The following JAK2 variants were observed in gnomAD, a reference collection of about 807,000 sequenced individuals.
JAK2 encodes the protein Janus kinase 2, also known as tyrosine-protein kinase JAK2.
A neutral mutation model predicts 139.3 loss-of-function variants in JAK2; 86 were observed. The observed-to-expected ratio is 0.62, with a 90% CI of 0.52 to 0.74. JAK2 has a LOEUF of 0.74. JAK2 is among the 30% of genes least tolerant of loss of function. JAK2 has a pLI of 0.00. For synonymous variants in JAK2, 490 were observed against 437.7 expected (o/e 1.12, Z -1.49); for missense variants, 1,421 against 1,360.3 (o/e 1.04, Z -0.70).
chr9:5,115,786 T>C (rs555031772), intron 22 of JAK2, among the ~76,000 whole-genome samples: 5 of 152,280 alleles, frequency 3.3e-5, no homozygotes, highest in African/African-American at 1.2e-4. Context: ...CTAGAAACCA[T>C]AATTCTCAGC....
intron 6 of JAK2, among the ~76,000 whole-genome samples, chr9:5,052,663 G>A (rs1350812645): frequency 6.6e-6 from 1 of 151,968 alleles, no homozygotes; most frequent in Non-Finnish European, 1.5e-5. Context: ...CTTTCCCCCA[G>A]CCTCTGGAAA....
At chr9:5,051,762 C>T (rs1360332946) in intron 6 of JAK2, among the ~76,000 whole-genome samples, 1 of 152,062 alleles carries the variant, frequency 6.6e-6, no homozygotes, top group Non-Finnish European at 1.5e-5. Context: ...ATTGTTCTCC[C>T]AATAACTGGC....
At position 5,065,147 on chromosome 9, in the gene JAK2, A is replaced by C. The variant is rs888844444; in HGVS notation, c.1214+107A>C. On this transcript the variant is annotated intron_variant, in intron 9 of 24. Coordinates refer to ENST00000381652, the MANE Select transcript of JAK2 (RefSeq NM_004972.4). The stretch of plus-strand genomic sequence containing the variant: ...TATGTTTAGAAAAAAATAATTTGAC[A>C]AGTTTTTTTTAAACAAAAGGCTATT... 1.0e-5 allele frequency: 7 copies of C among 669,042 alleles called. No homozygotes were observed. In the African/African-American group the frequency reaches 1.3e-4, roughly 13 times the overall value. The allele number at this position is 669,042 out of a possible 1,614,324, so 41.4% of individuals were successfully genotyped here.
chr9:5,092,732 G>A (rs78903787), intron 22 of JAK2, among the ~76,000 whole-genome samples: 5,205 of 152,250 alleles, frequency 0.034, 249 homozygotes, highest in African/African-American at 0.11. Context: ...CTGAAAGAGC[G>A]TACTCACCTA....
intron 2 of JAK2, among the ~76,000 whole-genome samples, chr9:5,014,206 G>A (rs924354311): frequency 1.9e-5 from 2 of 107,414 alleles, no homozygotes; most frequent in South Asian, 3.1e-4. Flanking sequence ...TTCTCACTAT[G>A]TTGCCCAGGC....
rs1230222800 is a variant in JAK2, at chr9:5,086,433, T to G, written c.2572-3241T>G. Reference sequence around the variant, plus strand: ...GGATCTTAGTGCGACTACTTTGAAATTATCAGCATCATTCTCAATCTTCTC... The same window carrying G: ...GGATCTTAGTGCGACTACTTTGAAAGTATCAGCATCATTCTCAATCTTCTC... On this transcript the variant is annotated intron_variant, in intron 19 of 24. Transcript: ENST00000381652. Among the ~76,000 whole-genome samples the G allele has an allele frequency of 2.0e-5, 3 of 152,388 alleles. No homozygotes were observed. In the East Asian group the frequency reaches 5.8e-4, roughly 29 times the overall value.
chr9:4,989,386 C>T (rs1342446579), intron 2 of JAK2, among the ~76,000 whole-genome samples: 1 of 151,808 alleles, frequency 6.6e-6, no homozygotes, highest in Non-Finnish European at 1.5e-5. Context: ...ATAGTTATTT[C>T]CCTAGTGTTA....
chr9:4,998,054 ACTT>A (rs1396728534), intron 2 of JAK2, among the ~76,000 whole-genome samples: 1 of 152,180 alleles, frequency 6.6e-6, no homozygotes, highest in Non-Finnish European at 1.5e-5. Context: ...GATTTAAACA[ACTT>A]CTAGATTTTT....
At chr9:4,992,940 T>G (rs1820342902) in intron 2 of JAK2, among the ~76,000 whole-genome samples, 1 of 152,194 alleles carries the variant, frequency 6.6e-6, no homozygotes, top group Non-Finnish European at 1.5e-5. Flanking sequence ...TGGGTTTACC[T>G]TCTGAATTAT....
chr9:5,075,629 A>C (rs1036961745), intron 14 of JAK2, among the ~76,000 whole-genome samples: 2 of 152,204 alleles, frequency 1.3e-5, no homozygotes, highest in Admixed American at 1.3e-4. Flanking sequence ...GATTGCTTTC[A>C]AAGTATTACT....
At chr9:5,113,075 C>A (rs1281015755) in intron 22 of JAK2, among the ~76,000 whole-genome samples, 1 of 152,058 alleles carries the variant, frequency 6.6e-6, no homozygotes, top group Non-Finnish European at 1.5e-5. Flanking sequence ...GACCCCGGCT[C>A]ACCCCTCACT....
intron 22 of JAK2, chr9:5,114,609 G>A (rs1331404638): frequency 2.0e-5 from 10 of 488,514 alleles, no homozygotes; most frequent in Non-Finnish European, 2.8e-5. Flanking sequence ...GCTGTACAAC[G>A]AGGTGCAGCT....
chr9:5,012,671 C>G (rs1821778789), intron 2 of JAK2, among the ~76,000 whole-genome samples: 1 of 152,150 alleles, frequency 6.6e-6, no homozygotes, highest in South Asian at 2.1e-4. Flanking sequence ...ATTTGTATCT[C>G]AGGATTTTTC....
Position 5,124,523 on chromosome 9 carries a change from C to T in JAK2, c.3177+1402C>T, listed in dbSNP as rs561699484. On this transcript the variant is annotated intron_variant, in intron 23 of 24. Transcript: ENST00000381652. ...ATTCAATGCAGTTCCTATCAAAATA[C>T]CAATGTCATTTGTTCACAGAATTAG... 1.8e-4 allele frequency among the ~76,000 whole-genome samples: 27 copies of T among 151,742 alleles called. No individual in the cohort carries two copies. In the East Asian group the frequency reaches 5.0e-3, roughly 28 times the overall value.
chr9:5,044,561 A>C (rs1276932765), intron 5 of JAK2, 41 bp downstream of exon 5: 1 of 1,225,292 alleles, frequency 8.2e-7, no homozygotes, highest in Non-Finnish European at 1.2e-6. Context: ...GTTAAATGAT[A>C]AATATCTTGC....
intron 22 of JAK2, chr9:5,114,599 G>T: frequency 2.0e-6 from 1 of 490,088 alleles, no homozygotes; most frequent in Admixed American, 2.3e-5. Flanking sequence ...TGGTGCAGTG[G>T]CTGTACAACG....
intron 14 of JAK2, among the ~76,000 whole-genome samples, chr9:5,074,621 C>G (rs1303061189): frequency 6.6e-6 from 1 of 152,184 alleles, no homozygotes; most frequent in East Asian, 1.9e-4. Context: ...ATTCCTCTGT[C>G]TCTCTCCCTC....
At chr9:5,014,299 C>T (rs1191461681) in intron 2 of JAK2, among the ~76,000 whole-genome samples, 1 of 151,876 alleles carries the variant, frequency 6.6e-6, no homozygotes, top group Non-Finnish European at 1.5e-5. Context: ...CCACTGTACC[C>T]AGCCTCTTAT....
In JAK2 at chr9:5,126,313, TG is replaced by T; in HGVS notation, c.3178-19del. On this transcript the variant is annotated intron_variant, in intron 23 of 24. Transcript: ENST00000381652. Reference sequence around the variant, plus strand: ...TACAAATTAAATGTACAAAAAATATTGAAAGTGGGTTTGTTTTAGGAATTTA... The same window carrying T: ...TACAAATTAAATGTACAAAAAATATTAAAGTGGGTTTGTTTTAGGAATTTA... The T allele has an allele frequency of 6.6e-7, 1 of 1,516,486 alleles. No individual in the cohort carries two copies. The highest frequency in any genetic ancestry group is 9.0e-7 in the Non-Finnish European group (1 of 1,105,500). 93.9% of individuals were successfully genotyped at this position (1,516,486 alleles called of 1,614,324 possible). A position where few individuals can be genotyped will look rare whatever the true frequency, so the allele number is the denominator to read the frequency against.
Sources: gnomAD v4.1 joint callset for allele counts (sites outside exome capture counted in the v4.1 genomes callset) on GRCh38, gnomAD v4.1.1 for gene constraint, MANE v1.5 for transcripts, NCBI Gene and HGNC (gene_info 2026-07-23, HGNC 2026-07-21) for gene names.